The following C2orf76 variants were observed in gnomAD, a reference collection of about 807,000 sequenced individuals.
C2orf76 encodes UPF0538 protein C2orf76.
In C2orf76, 23 loss-of-function variants were observed where a neutral mutation model predicts 16.9. That is an observed-to-expected ratio of 1.36 (90% confidence interval 0.98 to 1.93). The LOEUF is 1.93. C2orf76 is among the 30% of genes most tolerant of loss of function. The pLI is 0.00. For missense variants in C2orf76, 152 were observed against 152.6 expected, an observed-to-expected ratio of 1.00 and a Z score of 0.02; for synonymous variants, 48 against 52.3, an observed-to-expected ratio of 0.92 and a Z score of 0.35.
intron 5 of C2orf76, among the ~76,000 whole-genome samples, chr2:119,309,178 C>T (rs1678895640): frequency 6.6e-6 from 1 of 152,122 alleles, no homozygotes; most frequent in African/African-American, 2.4e-5. Context: ...AAGCATGAGC[C>T]ACTGCACCTG....
At chr2:119,332,679 C>A (rs1487734944) in intron 2 of C2orf76, among the ~76,000 whole-genome samples, 4 of 152,214 alleles carry the variant, frequency 2.6e-5, no homozygotes, top group Non-Finnish European at 5.9e-5. Flanking sequence ...CACACCCGCT[C>A]TGTTGTTTTA....
chr2:119,311,837 G>T, intron 4 of C2orf76, 134 bp from the exon 5 acceptor site: 1 of 808,060 alleles, frequency 1.2e-6, no homozygotes, highest in Non-Finnish European at 1.9e-6. Flanking sequence ...TGGCCGTAAT[G>T]AGGGCAGTGA....
At chr2:119,314,637 T>C (rs891583634) in intron 4 of C2orf76, among the ~76,000 whole-genome samples, 1 of 152,234 alleles carries the variant, frequency 6.6e-6, no homozygotes, top group African/African-American at 2.4e-5. Flanking sequence ...TCTTATATGT[T>C]AGAGCTAATT....
At chr2:119,316,564 T>C (rs1288742524) in intron 4 of C2orf76, among the ~76,000 whole-genome samples, 1 of 152,224 alleles carries the variant, frequency 6.6e-6, no homozygotes, top group African/African-American at 2.4e-5. Flanking sequence ...TGCCATTTTC[T>C]TGTGATCTGT....
At chr2:119,326,448 T>C (rs1679512299) in intron 2 of C2orf76, among the ~76,000 whole-genome samples, 1 of 152,244 alleles carries the variant, frequency 6.6e-6, no homozygotes, top group African/African-American at 2.4e-5. Context: ...ACATATGCAG[T>C]ACTTGATTAC....
chr2:119,331,803 T>C (rs980085520), intron 2 of C2orf76, among the ~76,000 whole-genome samples: 5 of 152,212 alleles, frequency 3.3e-5, no homozygotes, highest in Admixed American at 2.6e-4. Flanking sequence ...CTGGTCCCAC[T>C]CCATCTTGGC....
intron 2 of C2orf76, among the ~76,000 whole-genome samples, chr2:119,336,490 T>C (rs1239809476): frequency 1.3e-5 from 2 of 151,916 alleles, no homozygotes; most frequent in Non-Finnish European, 2.9e-5. Context: ...ACTTAAGGTT[T>C]TGATGACGTG....
downstream of C2orf76, among the ~76,000 whole-genome samples, chr2:119,297,480 AT>A (rs1460943393): frequency 1.3e-5 from 2 of 152,088 alleles, no homozygotes; most frequent in Non-Finnish European, 2.9e-5. Flanking sequence ...CAAGAAGAGG[AT>A]TTTTACTTTT....
At chr2:119,337,194 A>G (rs1679876573) in intron 2 of C2orf76, among the ~76,000 whole-genome samples, 1 of 151,750 alleles carries the variant, frequency 6.6e-6, no homozygotes, top group East Asian at 1.9e-4. Context: ...TGCTGGCACT[A>G]CAGATGTATG....
chr2:119,287,632 G>T, the C2orf76 span, among the ~76,000 whole-genome samples: 1 of 152,070 alleles, frequency 6.6e-6, no homozygotes, highest in African/African-American at 2.4e-5. Context: ...CGTGATATTT[G>T]TTCGAAGACA....
At chr2:119,301,237 A>G (rs182685373), downstream of C2orf76, among the ~76,000 whole-genome samples, 187 of 152,300 alleles carry the variant, frequency 1.2e-3, no homozygotes, top group African/African-American at 3.5e-3. Flanking sequence ...AACTCCCCCA[A>G]AACTACATCA....
At chr2:119,355,498 T>G (rs922192708) in intron 1 of C2orf76, among the ~76,000 whole-genome samples, 3 of 152,198 alleles carry the variant, frequency 2.0e-5, no homozygotes, top group Admixed American at 6.5e-5. Context: ...CCTGGGGTTC[T>G]ACAGCTGTGA....
At chr2:119,316,658 A>G (rs1347931172) in intron 4 of C2orf76, among the ~76,000 whole-genome samples, 1 of 152,152 alleles carries the variant, frequency 6.6e-6, no homozygotes, top group African/African-American at 2.4e-5. Context: ...GAATTAATAA[A>G]TACTTCATTC....
At chr2:119,298,719 T>C (rs762873263), downstream of C2orf76, among the ~76,000 whole-genome samples, 10 of 152,162 alleles carry the variant, frequency 6.6e-5, no homozygotes, top group Non-Finnish European at 1.3e-4. Flanking sequence ...TTTATACTCA[T>C]CTAATAACAC....
At chr2:119,329,203 T>C (rs1394862364) in intron 2 of C2orf76, among the ~76,000 whole-genome samples, 1 of 152,198 alleles carries the variant, frequency 6.6e-6, no homozygotes, top group Non-Finnish European at 1.5e-5. Context: ...ACTTCATTTA[T>C]TTTGAAATTC....
chr2:119,331,050 G>T (rs1348793586), intron 2 of C2orf76, among the ~76,000 whole-genome samples: 1 of 151,412 alleles, frequency 6.6e-6, no homozygotes, highest in Non-Finnish European at 1.5e-5. Flanking sequence ...TGCTCATTAT[G>T]GGTCATACTT....
At chr2:119,360,477 C>CAAAAAAAAAAAAAAAAAAAAAAA (rs770401400) in intron 1 of C2orf76, among the ~76,000 whole-genome samples, 1 of 66,898 alleles carries the variant, frequency 1.5e-5, no homozygotes, top group Non-Finnish European at 2.8e-5. Context: ...AACTCTGTCT[C>CAAAAAAAAAAAAAAAAAAAAAAA]AAAAAAAAAA....
chr2:119,353,766 T>C (rs924906120), intron 1 of C2orf76, among the ~76,000 whole-genome samples: 2 of 152,096 alleles, frequency 1.3e-5, no homozygotes, highest in Admixed American at 6.5e-5. Flanking sequence ...TTTCACCATG[T>C]TGAGCAGGCT....
intron 3 of C2orf76, among the ~76,000 whole-genome samples, chr2:119,320,128 C>T (rs995165091): frequency 4.6e-5 from 7 of 152,088 alleles, no homozygotes; most frequent in African/African-American, 7.2e-5. Flanking sequence ...GATATTCTAA[C>T]GCTTTCATTA....
Sources: gnomAD v4.1 joint callset for allele counts (sites outside exome capture counted in the v4.1 genomes callset) on GRCh38, gnomAD v4.1.1 for gene constraint, MANE v1.5 for transcripts, NCBI Gene and HGNC (gene_info 2026-07-23, HGNC 2026-07-21) for gene names.